GALNTL6: variants seen among roughly 807,000 people sequenced by gnomAD.
GALNTL6 encodes the protein polypeptide N-acetylgalactosaminyltransferase-like 6.
Under a neutral mutation model 73.7 loss-of-function variants are expected in GALNTL6, and 46 were observed. The observed-to-expected ratio is 0.62, with a 90% CI of 0.49 to 0.80. GALNTL6 has a LOEUF of 0.80. Ranked by LOEUF, GALNTL6 falls within the 30% of genes least tolerant of loss-of-function variation. The pLI, the probability that GALNTL6 is intolerant of heterozygous loss-of-function variation, is 0.00. For missense variants in GALNTL6, 604 were observed against 755.0 expected (o/e 0.80, Z 2.34); for synonymous variants, 259 against 263.7 (o/e 0.98, Z 0.17).
chr4:171,925,856 A>G (rs1737961796), intron 2 of GALNTL6, among the ~76,000 whole-genome samples: 1 of 152,144 alleles, frequency 6.6e-6, no homozygotes, highest in African/African-American at 2.4e-5. Context: ...TGATCATCAT[A>G]AATAATTAGA....
intron 5 of GALNTL6, among the ~76,000 whole-genome samples, chr4:172,580,427 A>T (rs563885093): frequency 8.5e-5 from 13 of 152,368 alleles, no homozygotes; most frequent in African/African-American, 3.1e-4. Context: ...AAACCCAAGT[A>T]AAAAGTAAAT....
intron 5 of GALNTL6, among the ~76,000 whole-genome samples, chr4:172,665,272 T>C (rs990156300): frequency 9.2e-5 from 14 of 152,144 alleles, no homozygotes; most frequent in African/African-American, 3.4e-4. Context: ...TGCTTATCAA[T>C]CTCTCTAGAA....
chr4:172,025,706 A>G (rs1741549012), intron 2 of GALNTL6, among the ~76,000 whole-genome samples: 1 of 152,004 alleles, frequency 6.6e-6, no homozygotes, highest in Admixed American at 6.6e-5. Context: ...ATATTGGTTC[A>G]GTATATTACC....
chr4:172,343,147 C>T (rs1447099397), intron 4 of GALNTL6, among the ~76,000 whole-genome samples: 4 of 152,022 alleles, frequency 2.6e-5, no homozygotes, highest in Admixed American at 6.6e-5. Flanking sequence ...AAAAAACAAA[C>T]AAACAAAACA....
In GALNTL6 at chr4:172,673,223, T is replaced by A. The variant is rs535647196; in HGVS notation, c.554-136138T>A. 1.2e-4 allele frequency among the ~76,000 whole-genome samples: 19 copies of A among 152,356 alleles called. 1 individual carries two copies. In the South Asian group the frequency reaches 3.9e-3, roughly 32 times the overall value. On this transcript the variant is annotated intron_variant, in intron 5 of 12. Coordinates refer to ENST00000506823, the MANE Select transcript of GALNTL6 (RefSeq NM_001034845.3). Reference sequence around the variant, plus strand: ...AGATTCTGGTATGTTGCATCTTAGTTCTCATTTGTTTCAAAGTACTTCTTG... The same window carrying A: ...AGATTCTGGTATGTTGCATCTTAGTACTCATTTGTTTCAAAGTACTTCTTG...
chr4:171,823,880 G>A (rs1393477789), intron 2 of GALNTL6, among the ~76,000 whole-genome samples: 2 of 150,648 alleles, frequency 1.3e-5, no homozygotes, highest in Non-Finnish European at 3.0e-5. Context: ...GGTACTTATT[G>A]CAACTAATAT....
At chr4:172,854,129 C>T (rs1262664218) in intron 7 of GALNTL6, among the ~76,000 whole-genome samples, 1 of 152,140 alleles carries the variant, frequency 6.6e-6, no homozygotes, top group Non-Finnish European at 1.5e-5. Flanking sequence ...CAGAATGCTT[C>T]TCCTTTTCCT....
intron 5 of GALNTL6, among the ~76,000 whole-genome samples, chr4:172,601,778 C>T (rs909344865): frequency 2.7e-5 from 4 of 147,576 alleles, no homozygotes; most frequent in African/African-American, 1.0e-4. Flanking sequence ...CTTATAGAGT[C>T]CCAGAAAAGG....
intron 2 of GALNTL6, among the ~76,000 whole-genome samples, chr4:172,207,324 T>C (rs1279173165): frequency 6.6e-6 from 1 of 152,094 alleles, no homozygotes; most frequent in Non-Finnish European, 1.5e-5. Context: ...GAGTGGATTA[T>C]AGGAAGACGA....
intron 5 of GALNTL6, among the ~76,000 whole-genome samples, chr4:172,585,179 AT>A (rs1737354452): frequency 1.3e-5 from 2 of 152,126 alleles, no homozygotes; most frequent in South Asian, 4.1e-4. Flanking sequence ...TTAAAAATAA[AT>A]GTATTATCTG....
chr4:172,181,650 A>G (rs1435120451), intron 2 of GALNTL6, among the ~76,000 whole-genome samples: 1 of 151,878 alleles, frequency 6.6e-6, no homozygotes. Context: ...AGGAAGTCAA[A>G]TTGCCTCAGT....
At chr4:172,238,675 T>G (rs945507106) in intron 3 of GALNTL6, among the ~76,000 whole-genome samples, 1 of 152,160 alleles carries the variant, frequency 6.6e-6, no homozygotes, top group African/African-American at 2.4e-5. Context: ...ACTTATCTTG[T>G]GCCAGTTTTC....
At chr4:171,890,522 T>G (rs1410741431) in intron 2 of GALNTL6, among the ~76,000 whole-genome samples, 2 of 152,122 alleles carry the variant, frequency 1.3e-5, no homozygotes, top group Non-Finnish European at 2.9e-5. Flanking sequence ...TTGAAAGATA[T>G]GAACTGAGGG....
chr4:172,539,294 T>G (rs906444231), intron 5 of GALNTL6, among the ~76,000 whole-genome samples: 4 of 152,212 alleles, frequency 2.6e-5, no homozygotes, highest in African/African-American at 7.2e-5. Flanking sequence ...GTGGTTGTCA[T>G]CAGCAGCAGC....
intron 2 of GALNTL6, among the ~76,000 whole-genome samples, chr4:171,988,686 GGA>G (rs1560873646): frequency 6.6e-6 from 1 of 152,184 alleles, no homozygotes; most frequent in Non-Finnish European, 1.5e-5. Context: ...GGAATGGTAA[GGA>G]GAGTGTATAG....
intron 5 of GALNTL6, among the ~76,000 whole-genome samples, chr4:172,615,168 C>T (rs1738675378): frequency 7.0e-6 from 1 of 142,920 alleles, no homozygotes; most frequent in Non-Finnish European, 1.5e-5. Context: ...CAAACACATG[C>T]TGTTAATAAG....
intron 5 of GALNTL6, among the ~76,000 whole-genome samples, chr4:172,802,914 A>G (rs191763433): frequency 6.6e-6 from 1 of 152,380 alleles, no homozygotes; most frequent in East Asian, 1.9e-4. Context: ...TTCAAAATTC[A>G]GACCTTAGTT....
At chr4:172,061,518 G>C (rs958858441) in intron 2 of GALNTL6, among the ~76,000 whole-genome samples, 6 of 152,042 alleles carry the variant, frequency 3.9e-5, no homozygotes, top group Non-Finnish European at 7.4e-5. Flanking sequence ...AAAATGTCTT[G>C]TTGTCACAAG....
chr4:172,176,463 T>C (rs72700981), intron 2 of GALNTL6, among the ~76,000 whole-genome samples: 3,406 of 151,752 alleles, frequency 0.022, 45 homozygotes, highest in Non-Finnish European at 0.032. Context: ...CTTTAAATAC[T>C]GTAAAAGGAA....
Sources: gnomAD v4.1 joint callset for allele counts (sites outside exome capture counted in the v4.1 genomes callset) on GRCh38, gnomAD v4.1.1 for gene constraint, MANE v1.5 for transcripts, NCBI Gene and HGNC (gene_info 2026-07-23, HGNC 2026-07-21) for gene names.